LONP1: variants seen among roughly 807,000 people sequenced by gnomAD.
LONP1 encodes the protein lon peptidase 1, mitochondrial, also known as lon protease homolog, mitochondrial.
In LONP1, 31 loss-of-function variants were observed where a neutral mutation model predicts 98.5. The ratio of observed to expected loss-of-function variants is 0.31; its 90% CI spans 0.24 to 0.42. The LOEUF is 0.42. Ranked by LOEUF, LONP1 falls within the 20% of genes least tolerant of loss-of-function variation. The pLI is 1.00. For synonymous variants in LONP1, 781 were observed against 594.7 expected, an observed-to-expected ratio of 1.31 and a Z score of -4.56; for missense variants, 1,336 against 1,350.6, an observed-to-expected ratio of 0.99 and a Z score of 0.17.
chr19:5,706,274 C>T (rs978384460), intron 7 of LONP1, among the ~76,000 whole-genome samples: 42 of 152,070 alleles, frequency 2.8e-4, no homozygotes, highest in African/African-American at 1.0e-3. Flanking sequence ...GTAACTGGGA[C>T]CACAGGCACC....
rs934049196 is a variant in LONP1 at position 5,693,827 on chromosome 19, C to A, written c.2321-58G>T. 2.1e-5 allele frequency: 31 copies of A among 1,456,824 alleles called. No individual in the cohort carries two copies. In the African/African-American group the frequency reaches 4.3e-4, roughly 20 times the overall value. The allele number at this position is 1,456,824 out of a possible 1,614,324, so 90.2% of individuals were successfully genotyped here. On this transcript the variant is annotated intron_variant, in intron 15 of 17. Coordinates refer to ENST00000360614, the MANE Select transcript of LONP1 (RefSeq NM_004793.4). The stretch of plus-strand genomic sequence containing the variant: ...GCCTCGGAGCCCAGGCCGGTGCTCA[C>A]TCCACCCCTCGGGGCCACTCTGACC...
At chr19:5,706,185 G>A (rs1021381927) in intron 7 of LONP1, among the ~76,000 whole-genome samples, 193 bp from the exon 8 acceptor site, 1 of 152,114 alleles carries the variant, frequency 6.6e-6, no homozygotes, top group Non-Finnish European at 1.5e-5. Context: ...TACCCAGGCT[G>A]GAGTGCAAAG....
intron 8 of LONP1, among the ~76,000 whole-genome samples, chr19:5,702,018 C>A (rs1217780390): frequency 1.3e-5 from 2 of 151,672 alleles, no homozygotes; most frequent in African/African-American, 4.8e-5. Context: ...TGGCAACCGA[C>A]CCGTCTGAGA....
At chr19:5,697,189 C>T (rs1287401194) in intron 10 of LONP1, among the ~76,000 whole-genome samples, 1 of 152,074 alleles carries the variant, frequency 6.6e-6, no homozygotes. Flanking sequence ...GGGGCCCGGC[C>T]CGCGACAGGG....
chr19:5,720,348 C>T, upstream of LONP1: 2 of 714,622 alleles, frequency 2.8e-6, no homozygotes, highest in Non-Finnish European at 4.3e-6. Flanking sequence ...AAGGCCTTTT[C>T]CGGTCACGTG....
intron 8 of LONP1, among the ~76,000 whole-genome samples, chr19:5,701,810 A>G (rs1438391144): frequency 1.3e-5 from 2 of 149,462 alleles, no homozygotes; most frequent in Non-Finnish European, 3.0e-5. Context: ...GGATGTGAGG[A>G]GCCCCTCTGC....
In LONP1 at chr19:5,708,353, G is replaced by A; in HGVS notation, c.921C>T (p.Asn307=). The change falls in exon 5 of 18, where the codon AAC becomes AAT. Residue 307 remains asparagine (N), a synonymous_variant. Transcript: ENST00000360614. ...VKTIRDIIAL[N]PLYRESVLQM... The stretch of plus-strand genomic sequence containing the variant: ...GCACAGAGGCCCACCTGTAGAGAGG[G>A]TTCAAGGCAATGATGTCCCGGATGG... 1 of 1,549,690 alleles carries A rather than the reference G, an allele frequency of 6.5e-7. No individual in the cohort carries two copies. The highest frequency in any genetic ancestry group is 8.7e-7 in the Non-Finnish European group (1 of 1,146,078).
intron 16 of LONP1, 28 bp downstream of exon 16, chr19:5,693,517 GGGCGGGA>G (rs879936753): frequency 1.5e-5 from 25 of 1,613,134 alleles, no homozygotes; most frequent in Non-Finnish European, 2.0e-5. Context: ...CCCAGGGACT[GGGCGGGA>G]GCAGGTGGGA....
intron 10 of LONP1, among the ~76,000 whole-genome samples, chr19:5,697,567 G>GAGGGAGGGGGAGGAAGA (rs958381831): frequency 7.8e-6 from 1 of 128,900 alleles, no homozygotes; most frequent in African/African-American, 2.9e-5. Flanking sequence ...GAAGGGGGTA[G>GAGGGAGGGGGAGGAAGA]AGGGAGGGGG....
At chr19:5,710,795 G>T (rs533048601) in intron 4 of LONP1, among the ~76,000 whole-genome samples, 1 of 152,268 alleles carries the variant, frequency 6.6e-6, no homozygotes, top group Non-Finnish European at 1.5e-5. Context: ...GGAGGCTGAG[G>T]TGGGCGGATC....
In LONP1 at chr19:5,702,598, T is replaced by C. The variant is rs539294470; in HGVS notation, c.1368-1671A>G. ...TGTGGAATAGAAAAGGGGGAAAGGATTGAGAAATCGGATGGTTGCCGTGTC... is the reference window on the plus strand; with the variant it reads ...TGTGGAATAGAAAAGGGGGAAAGGACTGAGAAATCGGATGGTTGCCGTGTC... On this transcript the variant is annotated intron_variant, in intron 8 of 17. Transcript: ENST00000360614. Among the ~76,000 whole-genome samples the C allele has an allele frequency of 9.1e-3, 1,373 of 150,730 alleles. 22 individuals are homozygous for C. Among genetic ancestry groups the C allele is most frequent in the East Asian group, 0.023 (116 of 5,080 alleles).
intron 8 of LONP1, among the ~76,000 whole-genome samples, chr19:5,704,439 G>C (rs778855433): frequency 5.3e-5 from 8 of 152,336 alleles, no homozygotes; most frequent in Admixed American, 3.9e-4. Context: ...CTGGGGGAGA[G>C]ACTCCGGCGA....
chr19:5,699,561 T>G (rs994644019), intron 9 of LONP1, among the ~76,000 whole-genome samples: 1 of 148,746 alleles, frequency 6.7e-6, no homozygotes, highest in Non-Finnish European at 1.5e-5. Flanking sequence ...TCCTGTTTTT[T>G]TTTTTTTTTT....
At chr19:5,718,073 T>C (rs992309003) in intron 1 of LONP1, among the ~76,000 whole-genome samples, 1 of 151,960 alleles carries the variant, frequency 6.6e-6, no homozygotes, top group Non-Finnish European at 1.5e-5. Flanking sequence ...AGGTCACAGA[T>C]GAGAAGAGGG....
In LONP1 at chr19:5,703,578, AGGC is replaced by A. The variant is rs1484064685; in HGVS notation, c.1367+2191_1367+2193del. On this transcript the variant is annotated intron_variant, in intron 8 of 17. Coordinates refer to ENST00000360614, the MANE Select transcript of LONP1 (RefSeq NM_004793.4). The stretch of plus-strand genomic sequence containing the variant: ...GGAGGACGGCTTCCGAGGAAGGGCC[AGGC>A]GGCCCCACGAGCAGACACCGTCAGG... 1.3e-4 allele frequency among the ~76,000 whole-genome samples: 20 copies of A among 152,008 alleles called. No individual in the cohort carries two copies. The East Asian group carries it at 3.9e-3, about 29-fold the overall frequency.
chr19:5,698,270 T>G (rs77127475), intron 10 of LONP1, among the ~76,000 whole-genome samples: 3,708 of 152,116 alleles, frequency 0.024, 100 homozygotes, highest in Admixed American at 0.078. Context: ...GCTGGGGATG[T>G]TTTTAGAGAA....
At chr19:5,694,297 G>A in intron 15 of LONP1, 90 bp downstream of exon 15, 3 of 1,520,938 alleles carry the variant, frequency 2.0e-6, no homozygotes, top group South Asian at 2.4e-5. Flanking sequence ...GCCACCTGAG[G>A]CCCACTGCAC....
At chr19:5,694,031 C>T (rs1288308024) in intron 15 of LONP1, among the ~76,000 whole-genome samples, 2 of 152,220 alleles carry the variant, frequency 1.3e-5, no homozygotes, top group Non-Finnish European at 2.9e-5. Context: ...GCCCAGCTGC[C>T]GCTGCCCTGC....
intron 8 of LONP1, among the ~76,000 whole-genome samples, chr19:5,705,565 C>T (rs908254144): frequency 9.2e-5 from 14 of 152,102 alleles, no homozygotes; most frequent in African/African-American, 3.1e-4. Context: ...AGCTCAACAG[C>T]CCCGAGCCTC....
Sources: gnomAD v4.1 joint callset for allele counts (sites outside exome capture counted in the v4.1 genomes callset) on GRCh38, gnomAD v4.1.1 for gene constraint, MANE v1.5 for transcripts, NCBI Gene and HGNC (gene_info 2026-07-23, HGNC 2026-07-21) for gene names.